The following NCALD variants were observed in gnomAD, a reference collection of about 807,000 sequenced individuals.
NCALD encodes neurocalcin delta, also known as neurocalcin-delta.
Under a neutral mutation model 18.6 loss-of-function variants are expected in NCALD, and 10 were observed. That is an observed-to-expected ratio of 0.54 (90% CI 0.33 to 0.91). NCALD has a LOEUF of 0.91. Ranked by LOEUF, NCALD falls within the 40% of genes least tolerant of loss-of-function variation. The pLI, the probability that NCALD is intolerant of heterozygous loss-of-function variation, is 0.03. For missense variants in NCALD, 184 were observed against 247.6 expected (o/e 0.74, Z 1.72); for synonymous variants, 88 against 87.4 (o/e 1.01, Z -0.04).
intron 1 of NCALD, among the ~76,000 whole-genome samples, chr8:102,056,066 G>A (rs1420265732): frequency 6.6e-6 from 1 of 152,148 alleles, no homozygotes; most frequent in Non-Finnish European, 1.5e-5. Flanking sequence ...CAGCCCGCCA[G>A]ATTCATTTCT....
chr8:101,839,923 C>T (rs1460587679), intron 4 of NCALD, among the ~76,000 whole-genome samples: 1 of 152,054 alleles, frequency 6.6e-6, no homozygotes, highest in Non-Finnish European at 1.5e-5. Flanking sequence ...ATTAGCTGTA[C>T]ATATTGGCAG....
At chr8:101,971,761 T>C (rs1820249385) in intron 2 of NCALD, among the ~76,000 whole-genome samples, 1 of 152,192 alleles carries the variant, frequency 6.6e-6, no homozygotes, top group Non-Finnish European at 1.5e-5. Flanking sequence ...CTTCTGTTGA[T>C]GGCTGACATG....
At chr8:101,784,020 A>C (rs1812119703) in intron 1 of NCALD, among the ~76,000 whole-genome samples, 1 of 151,804 alleles carries the variant, frequency 6.6e-6, no homozygotes, top group Non-Finnish European at 1.5e-5. Flanking sequence ...CTAAGAAATT[A>C]CCCCCCCACA....
intron 1 of NCALD, among the ~76,000 whole-genome samples, chr8:101,733,095 T>C (rs1816916203): frequency 6.6e-6 from 1 of 152,220 alleles, no homozygotes; most frequent in Non-Finnish European, 1.5e-5. Flanking sequence ...TCCATGTCTC[T>C]GGCTGGATCA....
At chr8:101,719,784 G>T (rs915145691) in intron 1 of NCALD, 136 bp from the exon 2 acceptor site, 15 of 778,514 alleles carry the variant, frequency 1.9e-5, no homozygotes, top group Non-Finnish European at 2.1e-5. Context: ...ACACTGTCTA[G>T]GTTTTGCAAC....
intron 1 of NCALD, among the ~76,000 whole-genome samples, chr8:101,756,562 G>A (rs762661376): frequency 3.9e-5 from 6 of 152,326 alleles, no homozygotes; most frequent in Non-Finnish European, 5.9e-5. Flanking sequence ...ATCTTTGCAC[G>A]GAATAAGCCC....
intron 1 of NCALD, among the ~76,000 whole-genome samples, chr8:101,744,076 G>A (rs1040355766): frequency 1.3e-5 from 2 of 152,194 alleles, no homozygotes; most frequent in African/African-American, 4.8e-5. Flanking sequence ...AAGACAGATC[G>A]ACAGATCAAG....
intron 1 of NCALD, among the ~76,000 whole-genome samples, chr8:101,781,183 A>T (rs957228590): frequency 5.3e-5 from 8 of 151,606 alleles, no homozygotes; most frequent in South Asian, 2.1e-4. Flanking sequence ...AATATACCAA[A>T]ATATATATAT....
intron 4 of NCALD, among the ~76,000 whole-genome samples, chr8:101,800,026 GTGAGATAAAA>G: frequency 6.6e-6 from 1 of 152,100 alleles, no homozygotes; most frequent in East Asian, 1.9e-4. Context: ...TAAAATGAAG[GTGAGATAAAA>G]TATTTTCAGT....
chr8:101,953,006 G>A (rs922685365), intron 2 of NCALD, among the ~76,000 whole-genome samples: 5 of 151,942 alleles, frequency 3.3e-5, no homozygotes, highest in Admixed American at 2.0e-4. Context: ...CGGGTTTTGA[G>A]GAGTTTGGGT....
In NCALD at chr8:101,689,228, CAAAAA is replaced by C; in HGVS notation, c.*76_*80del. The stretch of plus-strand genomic sequence containing the variant: ...CGGCATCACCATTGATATTGTTTGG[CAAAAA>C]AAAAAAAAAATTGTTAAAAAGAAGA... On this transcript the variant is annotated 3_prime_UTR_variant, in exon 4 of 4. Coordinates refer to ENST00000220931, the MANE Select transcript of NCALD (RefSeq NM_032041.3). This position sits in a 1 kb window ranked among gnomAD's most constrained non-coding sequence, Gnocchi z 4.4. 1 of 1,170,682 alleles carries C rather than the reference CAAAAA, an allele frequency of 8.5e-7. No individual in the cohort carries two copies. The highest frequency in any genetic ancestry group is 1.4e-5 in the South Asian group (1 of 70,562). The allele number at this position is 1,170,682 out of a possible 1,614,324, so 72.5% of individuals were successfully genotyped here. A position where few individuals can be genotyped will look rare whatever the true frequency, so the allele number is the denominator to read the frequency against.
chr8:101,841,179 G>T (rs1252471445), intron 4 of NCALD, among the ~76,000 whole-genome samples: 1 of 152,018 alleles, frequency 6.6e-6, no homozygotes, highest in African/African-American at 2.4e-5. Context: ...CTAATTCACT[G>T]GGTCTCTGAC....
intron 4 of NCALD, among the ~76,000 whole-genome samples, chr8:101,846,476 T>A (rs1039784422): frequency 6.6e-6 from 1 of 152,206 alleles, no homozygotes; most frequent in African/African-American, 2.4e-5. Flanking sequence ...TTGGCCTGGT[T>A]CTACTTCCAT....
intron 1 of NCALD, among the ~76,000 whole-genome samples, chr8:101,787,891 G>A (rs777054307): frequency 5.9e-5 from 9 of 152,136 alleles, no homozygotes; most frequent in Non-Finnish European, 1.0e-4. Context: ...TTTAATGCTT[G>A]CTTCAAATGC....
At chr8:101,715,187 C>A (rs1816017564) in intron 2 of NCALD, among the ~76,000 whole-genome samples, 1 of 152,062 alleles carries the variant, frequency 6.6e-6, no homozygotes, top group African/African-American at 2.4e-5. Flanking sequence ...CATCTACAAC[C>A]ATCTGATCTT....
chr8:101,769,340 T>C (rs1049862889), intron 1 of NCALD, among the ~76,000 whole-genome samples: 1 of 152,222 alleles, frequency 6.6e-6, no homozygotes, highest in African/African-American at 2.4e-5. Flanking sequence ...ATCCATATAA[T>C]GTCTCCTAGT....
At chr8:102,097,563 G>A (rs765469364) in intron 1 of NCALD, among the ~76,000 whole-genome samples, 5 of 152,178 alleles carry the variant, frequency 3.3e-5, no homozygotes, top group South Asian at 2.1e-4. Context: ...CAGAAGTTGC[G>A]TGGGTCATGA....
chr8:102,096,136 G>T (rs1825089829), intron 1 of NCALD, among the ~76,000 whole-genome samples: 1 of 152,242 alleles, frequency 6.6e-6, no homozygotes, highest in Admixed American at 6.5e-5. Flanking sequence ...GAATCTTATA[G>T]GGTAAATACT....
chr8:101,847,369 C>T, intron 4 of NCALD: 1 of 219,336 alleles, frequency 4.6e-6, no homozygotes. Flanking sequence ...ATCGCCCTTC[C>T]CTTCTTCTTT....
Sources: gnomAD v4.1 joint callset for allele counts (sites outside exome capture counted in the v4.1 genomes callset) on GRCh38, gnomAD v4.1.1 for gene constraint, Gnocchi (gnomAD v3.1) non-coding constraint, MANE v1.5 for transcripts, NCBI Gene and HGNC (gene_info 2026-07-23, HGNC 2026-07-21) for gene names.